GALNTL6: variants seen among roughly 807,000 people sequenced by gnomAD.
GALNTL6 encodes the protein polypeptide N-acetylgalactosaminyltransferase-like 6.
In GALNTL6, 46 loss-of-function variants were observed where a neutral mutation model predicts 73.7. That is an observed-to-expected ratio of 0.62 (90% CI 0.49 to 0.80). GALNTL6 has a LOEUF of 0.80. GALNTL6 is among the 30% of genes least tolerant of loss of function. The pLI is 0.00. For missense variants in GALNTL6, 604 were observed against 755.0 expected, an observed-to-expected ratio of 0.80 and a Z score of 2.34; for synonymous variants, 259 against 263.7, an observed-to-expected ratio of 0.98 and a Z score of 0.17.
chr4:172,533,075 G>A (rs1250948967), intron 5 of GALNTL6, among the ~76,000 whole-genome samples: 1 of 145,632 alleles, frequency 6.9e-6, no homozygotes, highest in Non-Finnish European at 1.5e-5. Context: ...GCAGTGGTAT[G>A]ATCTCGGCTT....
intron 2 of GALNTL6, among the ~76,000 whole-genome samples, chr4:171,821,034 ATATT>A (rs1206766142): frequency 6.6e-6 from 1 of 151,526 alleles, no homozygotes; most frequent in East Asian, 1.9e-4. Context: ...TTTCCCTCAT[ATATT>A]TATTTATTTT....
intron 3 of GALNTL6, among the ~76,000 whole-genome samples, chr4:172,271,339 T>A (rs553649354): frequency 2.6e-5 from 4 of 152,306 alleles, no homozygotes; most frequent in Admixed American, 1.3e-4. Flanking sequence ...TCTTTATGTA[T>A]GTATATATGT....
intron 5 of GALNTL6, among the ~76,000 whole-genome samples, chr4:172,717,893 G>T (rs543594945): frequency 2.4e-4 from 37 of 152,272 alleles, no homozygotes; most frequent in African/African-American, 6.3e-4. Flanking sequence ...AAGGGTGTGT[G>T]TTTATGTGTG....
chr4:172,443,166 C>CT (rs34479815), intron 5 of GALNTL6, among the ~76,000 whole-genome samples: 2,251 of 61,126 alleles, frequency 0.037, 128 homozygotes, highest in African/African-American at 0.12. Flanking sequence ...ATATATATTT[C>CT]TTTTTTTTTT....
intron 2 of GALNTL6, among the ~76,000 whole-genome samples, chr4:171,957,866 T>A (rs1387561472): frequency 1.3e-5 from 2 of 152,102 alleles, no homozygotes; most frequent in African/African-American, 4.8e-5. Context: ...ACAAAAAAAA[T>A]GGTATTTTCT....
Position 172,313,119 on chromosome 4 carries a change from C to G in GALNTL6, c.386+1367C>G, listed in dbSNP as rs574352103. Among the ~76,000 whole-genome samples the G allele has an allele frequency of 4.4e-4, 62 of 139,738 alleles. 1 individual carries two copies. The highest frequency in any genetic ancestry group is 3.8e-3 in the Middle Eastern group (1 of 264). The allele number at this position is 139,738 out of a possible 152,430, so 91.7% of individuals were successfully genotyped here. A position where few individuals can be genotyped will look rare whatever the true frequency, so the allele number is the denominator to read the frequency against. On this transcript the variant is annotated intron_variant, in intron 4 of 12. Coordinates refer to ENST00000506823, the MANE Select transcript of GALNTL6 (RefSeq NM_001034845.3). ...AATTTTTATCTATCCAGTTCCCCCC[C>G]CCACCCCCACACTTCTTTTTTTTTT...
chr4:172,236,855 C>T (rs980783768), intron 3 of GALNTL6, among the ~76,000 whole-genome samples: 3 of 151,878 alleles, frequency 2.0e-5, no homozygotes, highest in African/African-American at 7.3e-5. Flanking sequence ...TTTTTTTGAT[C>T]CTCAACCTCC....
intron 5 of GALNTL6, among the ~76,000 whole-genome samples, chr4:172,728,401 A>G (rs1002082352): frequency 4.6e-5 from 7 of 151,886 alleles, no homozygotes; most frequent in African/African-American, 1.7e-4. Flanking sequence ...GGCTTATTTC[A>G]CTTACCATAA....
chr4:171,845,474 GA>G (rs761502624), intron 2 of GALNTL6, among the ~76,000 whole-genome samples: 105 of 152,280 alleles, frequency 6.9e-4, no homozygotes, highest in Middle Eastern at 3.4e-3. Flanking sequence ...GGGAATATAG[GA>G]AGTGGCTGCT....
intron 2 of GALNTL6, among the ~76,000 whole-genome samples, chr4:172,176,564 A>G (rs1735009365): frequency 6.6e-6 from 1 of 152,002 alleles, no homozygotes; most frequent in Non-Finnish European, 1.5e-5. Context: ...CCAAGGCAGG[A>G]GAATTGCTTG....
chr4:172,788,021 G>A (rs993942172), intron 5 of GALNTL6, among the ~76,000 whole-genome samples: 11 of 152,170 alleles, frequency 7.2e-5, no homozygotes, highest in African/African-American at 2.7e-4. Flanking sequence ...TTTATCTGGT[G>A]TAGAGGAGAC....
At chr4:172,472,686 C>T (rs1733094569) in intron 5 of GALNTL6, among the ~76,000 whole-genome samples, 1 of 152,016 alleles carries the variant, frequency 6.6e-6, no homozygotes, top group South Asian at 2.1e-4. Context: ...AAGACTCAGA[C>T]ACAGAGGGAA....
intron 5 of GALNTL6, among the ~76,000 whole-genome samples, chr4:172,663,497 G>C (rs1731491054): frequency 6.6e-6 from 1 of 152,174 alleles, no homozygotes; most frequent in South Asian, 2.1e-4. Context: ...ACAACCCCAA[G>C]GTCCCACTAG....
chr4:172,416,841 C>T (rs896055918), intron 5 of GALNTL6, among the ~76,000 whole-genome samples: 1 of 152,128 alleles, frequency 6.6e-6, no homozygotes, highest in African/African-American at 2.4e-5. Context: ...TCTCCTTTCA[C>T]ACTTAATTTC....
At chr4:172,012,393 AG>A (rs139028196) in intron 2 of GALNTL6, among the ~76,000 whole-genome samples, 7,677 of 152,134 alleles carry the variant, frequency 0.05, 601 homozygotes, top group African/African-American at 0.17. Flanking sequence ...GTGTTTTCCT[AG>A]GGTGAAACCC....
intron 5 of GALNTL6, among the ~76,000 whole-genome samples, chr4:172,768,419 C>T (rs1738565400): frequency 6.6e-6 from 1 of 152,134 alleles, no homozygotes; most frequent in Admixed American, 6.5e-5. Context: ...TATCCAGGCT[C>T]TTGACACCAT....
intron 2 of GALNTL6, among the ~76,000 whole-genome samples, chr4:171,950,123 A>C (rs1738827797): frequency 6.6e-6 from 1 of 152,212 alleles, no homozygotes; most frequent in Admixed American, 6.5e-5. Context: ...ATTACTAAAA[A>C]TAGAATCTAG....
chr4:171,870,327 C>A (rs942029101), intron 2 of GALNTL6, among the ~76,000 whole-genome samples: 24 of 152,100 alleles, frequency 1.6e-4, no homozygotes, highest in African/African-American at 5.8e-4. Context: ...TTTCTGTTTG[C>A]TGGAATGCAG....
intron 5 of GALNTL6, among the ~76,000 whole-genome samples, chr4:172,622,964 A>G (rs1739022217): frequency 6.6e-6 from 1 of 152,188 alleles, no homozygotes; most frequent in Non-Finnish European, 1.5e-5. Context: ...GAGAAAATGT[A>G]ATAATCCTAG....
Sources: gnomAD v4.1 joint callset for allele counts (sites outside exome capture counted in the v4.1 genomes callset) on GRCh38, gnomAD v4.1.1 for gene constraint, MANE v1.5 for transcripts, NCBI Gene and HGNC (gene_info 2026-07-23, HGNC 2026-07-21) for gene names.